The following MICALL2 variants were observed in gnomAD, a reference collection of about 807,000 sequenced individuals.
MICALL2 encodes the protein MICAL like 2.
Under a neutral mutation model 91.1 loss-of-function variants are expected in MICALL2, and 111 were observed. That is an observed-to-expected ratio of 1.22 (90% confidence interval 1.04 to 1.43). The LOEUF (loss-of-function observed/expected upper bound fraction) is 1.43. Ranked by LOEUF, MICALL2 falls within the 40% of genes most tolerant of loss-of-function variation. MICALL2 has a pLI of 0.00. For missense variants in MICALL2, 1,556 were observed against 1,236.0 expected, an observed-to-expected ratio of 1.26 and a Z score of -3.88; for synonymous variants, 694 against 525.3, an observed-to-expected ratio of 1.32 and a Z score of -4.39.
chr7:1,437,689 G>A, intron 13 of MICALL2, 81 bp from the exon 14 acceptor site: 2 of 1,430,100 alleles, frequency 1.4e-6, no homozygotes, highest in Non-Finnish European at 1.9e-6. Flanking sequence ...ACGAGGTCCT[G>A]GACCTGCCAC....
intron 1 of MICALL2, among the ~76,000 whole-genome samples, chr7:1,454,952 C>T (rs933221596): frequency 6.6e-6 from 1 of 152,204 alleles, no homozygotes; most frequent in Non-Finnish European, 1.5e-5. Context: ...ACCAGGAAAA[C>T]TTAAGGGACC....
chr7:1,439,409 GCA>G (rs778749284), intron 9 of MICALL2: 47 of 195,934 alleles, frequency 2.4e-4, no homozygotes, highest in Admixed American at 1.2e-3. Context: ...GAACACGGTT[GCA>G]CACACATGCA....
At position 1,442,643 on chromosome 7, in the gene MICALL2, T is replaced by C. The variant is rs188627191; in HGVS notation, c.1419-159A>G. The stretch of plus-strand genomic sequence containing the variant: ...AGGCCACCCTCCACCTCCCCCACCA[T>C]TGCGCCAGGCCACCCCTCCGCCTCC... On this transcript the variant is annotated intron_variant, in intron 6 of 16. Coordinates refer to ENST00000297508, the MANE Select transcript of MICALL2 (RefSeq NM_182924.4). 1.3e-3 allele frequency among the ~76,000 whole-genome samples: 173 copies of C among 131,738 alleles called. 1 individual carries two copies. Among genetic ancestry groups the C allele is most frequent in the Non-Finnish European group, 2.1e-3 (128 of 61,648 alleles). The allele number at this position is 131,738 out of a possible 152,430, so 86.4% of individuals were successfully genotyped here.
chr7:1,440,749 T>A, intron 7 of MICALL2, 65 bp from the exon 8 acceptor site: 3 of 1,356,944 alleles, frequency 2.2e-6, no homozygotes, highest in Non-Finnish European at 3.1e-6. Context: ...TCTGCAAGGG[T>A]GGCTGTGCCT....
In MICALL2 at chr7:1,445,361, C is replaced by T. The variant is rs1200170781; in HGVS notation, c.709G>A (p.Val237Ile). ...GCTGCGGGGAGGTGGCTGGTGCAGA[C>T]GAAGGTGCCCGGCTCTCCTGTGGCC... ...YKATGEPGTF[V>I]CTSHLPAAAS... Residue 237 changes from valine to isoleucine, a missense_variant, in exon 6 of 17, where the codon GTC (valine) becomes ATC (isoleucine). Physicochemically the swap from Val to Ile is conservative, Grantham distance 29. Transcript: ENST00000297508. 15 of 1,592,138 alleles carry T rather than the reference C, an allele frequency of 9.4e-6. No individual in the cohort carries two copies. The highest frequency in any genetic ancestry group is 1.3e-5 in the African/African-American group (1 of 74,830).
At chr7:1,456,320 G>A (rs1056190374) in intron 1 of MICALL2, among the ~76,000 whole-genome samples, 6 of 152,258 alleles carry the variant, frequency 3.9e-5, no homozygotes, top group South Asian at 2.1e-4. Context: ...AGTGGCTCGC[G>A]CCCATAACCC....
At chr7:1,442,929 C>A (rs1271853733) in intron 6 of MICALL2, among the ~76,000 whole-genome samples, 1 of 152,148 alleles carries the variant, frequency 6.6e-6, no homozygotes, top group East Asian at 1.9e-4. Flanking sequence ...GTGACACAGT[C>A]TCTCTGGCCC....
intron 14 of MICALL2, 115 bp from the exon 15 acceptor site, chr7:1,436,971 T>A: frequency 1.4e-6 from 1 of 704,710 alleles, no homozygotes; most frequent in Non-Finnish European, 2.2e-6. Context: ...GAAGGTGGGG[T>A]CTTGGGGGGA....
chr7:1,451,714 G>C lies in MICALL2; in HGVS notation c.144-1426C>G, dbSNP rs546846164. ...TCGGTCTCAGGGCCTCAGTCTCCCT[G>C]TCTGGGAGGACAACCGCAGCTCCTG... On this transcript the variant is annotated intron_variant, in intron 1 of 16. Coordinates refer to ENST00000297508, the MANE Select transcript of MICALL2 (RefSeq NM_182924.4). This position sits in a 1 kb window ranked among gnomAD's most constrained non-coding sequence, Gnocchi z 4.5. Among the ~76,000 whole-genome samples the C allele has an allele frequency of 6.6e-6, 1 of 152,210 alleles. No homozygotes were observed. Among genetic ancestry groups the C allele is most frequent in the Admixed American group, 6.5e-5 (1 of 15,282 alleles).
At chr7:1,437,466 G>T in intron 14 of MICALL2, 69 bp downstream of exon 14, 1 of 1,379,166 alleles carries the variant, frequency 7.3e-7, no homozygotes, top group Non-Finnish European at 9.6e-7. Context: ...CACAGAGCCG[G>T]CCCCCAGACA....
chr7:1,439,495 T>A, intron 9 of MICALL2: 1 of 152,300 alleles, frequency 6.6e-6, no homozygotes, highest in Non-Finnish European at 1.3e-5. Context: ...ATGCATCACG[T>A]GTGGGCACAC....
At position 1,451,154 on chromosome 7, in the gene MICALL2, G is replaced by A. The variant is rs1271868234; in HGVS notation, c.144-866C>T. On this transcript the variant is annotated intron_variant, in intron 1 of 16. Transcript: ENST00000297508. This position sits in a 1 kb window ranked among gnomAD's most constrained non-coding sequence, Gnocchi z 4.5. ...GGGAAGTTCCCGAGGTGAGGTCCCC[G>A]GCCAGCCTGGACAGCAGGGCCCTTC... is the stretch of plus-strand genomic sequence containing the variant. Among the ~76,000 whole-genome samples the A allele has an allele frequency of 3.9e-5, 6 of 152,168 alleles. No homozygotes were observed. Among genetic ancestry groups the A allele is most frequent in the East Asian group, 3.9e-4 (2 of 5,194 alleles).
intron 1 of MICALL2, among the ~76,000 whole-genome samples, chr7:1,456,406 C>CA (rs1002133872): frequency 3.3e-5 from 5 of 152,024 alleles, no homozygotes. Flanking sequence ...GCCAACATGG[C>CA]AAAACCCCGT....
At chr7:1,458,175 C>T (rs916331133) in intron 1 of MICALL2, among the ~76,000 whole-genome samples, 9 of 152,334 alleles carry the variant, frequency 5.9e-5, no homozygotes, top group African/African-American at 1.9e-4. Context: ...TGTCCAGGGG[C>T]ACAGGGGAGG....
intron 1 of MICALL2, among the ~76,000 whole-genome samples, chr7:1,458,233 A>AC (rs1195044890): frequency 3.3e-5 from 5 of 151,796 alleles, no homozygotes; most frequent in Non-Finnish European, 7.4e-5. Flanking sequence ...CTGAGCAAGG[A>AC]CCCCTCCTCT....
intron 9 of MICALL2, chr7:1,439,604 T>TCACA (rs57271852): frequency 0.16 from 45,167 of 290,988 alleles, 3,868 homozygotes; most frequent in Admixed American, 0.23. Flanking sequence ...TACACATGCA[T>TCACA]CACACATCAC....
At chr7:1,437,018 G>A (rs1254825975) in intron 14 of MICALL2, 162 bp from the exon 15 acceptor site, 12 of 532,550 alleles carry the variant, frequency 2.3e-5, no homozygotes, top group Admixed American at 3.8e-5. Flanking sequence ...AGTGAATGAA[G>A]GAAGGAACGG....
chr7:1,443,542 T>C (rs922620382), intron 6 of MICALL2, among the ~76,000 whole-genome samples: 1 of 152,164 alleles, frequency 6.6e-6, no homozygotes, highest in African/African-American at 2.4e-5. Flanking sequence ...CTGTAAACCA[T>C]CTTGGCAGTT....
chr7:1,453,788 C>G (rs979960416), intron 1 of MICALL2, among the ~76,000 whole-genome samples: 1 of 152,130 alleles, frequency 6.6e-6, no homozygotes, highest in African/African-American at 2.4e-5. Flanking sequence ...TACCATGGCC[C>G]GGCTCCAAGA....
Sources: allele counts gnomAD v4.1 joint callset (sites outside exome capture counted in the v4.1 genomes callset), GRCh38; gene constraint gnomAD v4.1.1; non-coding constraint Gnocchi (gnomAD v3.1); transcripts MANE v1.5; gene names NCBI Gene and HGNC (gene_info 2026-07-23, HGNC 2026-07-21).